Variants in BRIP1 observed in about 807,000 individuals in gnomAD.
BRIP1 encodes the protein Fanconi anemia group J protein.
A neutral mutation model predicts 119.7 loss-of-function variants in BRIP1; 88 were observed. That is an observed-to-expected ratio of 0.74 (90% CI 0.62 to 0.88). The LOEUF (loss-of-function observed/expected upper bound fraction) is 0.88. Ranked by LOEUF, BRIP1 falls within the 40% of genes least tolerant of loss-of-function variation. BRIP1 has a pLI of 0.00. For synonymous variants in BRIP1, 443 were observed against 496.5 expected, an observed-to-expected ratio of 0.89 and a Z score of 1.43; for missense variants, 1,259 against 1,455.4, an observed-to-expected ratio of 0.87 and a Z score of 2.20.
At position 61,814,894 on chromosome 17, in the gene BRIP1, A is replaced by C. The variant is rs1347580446; in HGVS notation, c.628-6137T>G. On this transcript the variant is annotated intron_variant, in intron 6 of 19. Transcript: ENST00000259008. This position sits in a 1 kb window ranked among gnomAD's most constrained non-coding sequence, Gnocchi z 4.9. ...ATTATAATGAAAATATATGAATGAC[A>C]GTTGTATGCATCGACATCGATAAAC... Among the ~76,000 whole-genome samples the C allele has an allele frequency of 6.6e-6, 1 of 152,064 alleles. No homozygotes were observed. The highest frequency in any genetic ancestry group is 1.9e-4 in the East Asian group (1 of 5,198).
At chr17:61,785,061 T>C (rs2077685240) in intron 10 of BRIP1, among the ~76,000 whole-genome samples, 1 of 152,180 alleles carries the variant, frequency 6.6e-6, no homozygotes, top group Non-Finnish European at 1.5e-5. Context: ...ATTTAGAAGA[T>C]TCAATCAGGG....
At chr17:61,732,483 T>A (rs924111190) in intron 16 of BRIP1, among the ~76,000 whole-genome samples, 13 of 152,126 alleles carry the variant, frequency 8.5e-5, no homozygotes, top group Non-Finnish European at 2.9e-5. Flanking sequence ...GTTGGTCAAC[T>A]TCAGCTTTCC....
rs1166639638 is a variant in BRIP1, at chr17:61,841,897, G to C, written c.627+5204C>G. Reference sequence around the variant, plus strand: ...GGTTCTCGCTATGTTGCCGGGGCTGGTCTCAAACTCCTGGCCTGAGTGATT... The same window carrying C: ...GGTTCTCGCTATGTTGCCGGGGCTGCTCTCAAACTCCTGGCCTGAGTGATT... On this transcript the variant is annotated intron_variant, in intron 6 of 19. Transcript: ENST00000259008. This position sits in a 1 kb window ranked among gnomAD's most constrained non-coding sequence, Gnocchi z 4.1. Among the ~76,000 whole-genome samples, 1 of 152,014 alleles carries C rather than the reference G, an allele frequency of 6.6e-6. No homozygotes were observed. Among genetic ancestry groups the C allele is most frequent in the East Asian group, 1.9e-4 (1 of 5,184 alleles).
In BRIP1 at chr17:61,713,785, G is replaced by A. The variant is rs899979996; in HGVS notation, c.2492+2166C>T. On this transcript the variant is annotated intron_variant, in intron 17 of 19. Coordinates refer to ENST00000259008, the MANE Select transcript of BRIP1 (RefSeq NM_032043.3). The surrounding 1 kb of genome is among the most constrained non-coding windows in gnomAD (Gnocchi z 4.9). ...GATCTGCCCACCTTGGCCTCCCAAA[G>A]TGCTGGATTACAGGCTTCAGCTATT... is the stretch of plus-strand genomic sequence containing the variant. Among the ~76,000 whole-genome samples, 1 of 151,910 alleles carries A rather than the reference G, an allele frequency of 6.6e-6. No homozygotes were observed. The highest frequency in any genetic ancestry group is 1.5e-5 in the Non-Finnish European group (1 of 67,994).
Position 61,687,331 on chromosome 17 carries a change from T to A in BRIP1, c.2576-1166A>T, listed in dbSNP as rs555286511. On this transcript the variant is annotated intron_variant, in intron 18 of 19. Transcript: ENST00000259008. This position sits in a 1 kb window ranked among gnomAD's most constrained non-coding sequence, Gnocchi z 5.1. ...TTATAATCAAAGAAAGCCTTTTCAA[T>A]GTAAAATATCATTGTCTGCTTTTGA... 6.6e-6 allele frequency among the ~76,000 whole-genome samples: 1 copy of A among 152,240 alleles called. No homozygotes were observed. Among genetic ancestry groups the A allele is most frequent in the Admixed American group, 6.5e-5 (1 of 15,286 alleles).
Position 61,693,892 on chromosome 17 carries a change from T to A in BRIP1, c.2493-380A>T, listed in dbSNP as rs576931047. On this transcript the variant is annotated intron_variant, in intron 17 of 19. Coordinates refer to ENST00000259008, the MANE Select transcript of BRIP1 (RefSeq NM_032043.3). This position sits in a 1 kb window ranked among gnomAD's most constrained non-coding sequence, Gnocchi z 4.2. ...GAGAGTTTTAAATCATGAATAAACA[T>A]TTAATTTTGTCAAAAATATTCTAAA... 6.6e-6 allele frequency among the ~76,000 whole-genome samples: 1 copy of A among 152,224 alleles called. No individual in the cohort carries two copies. Among genetic ancestry groups the A allele is most frequent in the South Asian group, 2.1e-4 (1 of 4,828 alleles).
At position 61,806,787 on chromosome 17, in the gene BRIP1, T is replaced by G. The variant is rs1372104784; in HGVS notation, c.918+1680A>C. Among the ~76,000 whole-genome samples the G allele has an allele frequency of 6.6e-6, 1 of 152,228 alleles. No individual in the cohort carries two copies. Among genetic ancestry groups the G allele is most frequent in the Admixed American group, 6.5e-5 (1 of 15,282 alleles). On this transcript the variant is annotated intron_variant, in intron 7 of 19. Transcript: ENST00000259008. This position sits in a 1 kb window ranked among gnomAD's most constrained non-coding sequence, Gnocchi z 4.9. ...ATCTTGGCTCACTGCAACCTCTGCCTCCTGGGTTCAAGCGATTCTCATGCC... is the reference window on the plus strand; with the variant it reads ...ATCTTGGCTCACTGCAACCTCTGCCGCCTGGGTTCAAGCGATTCTCATGCC...
intron 6 of BRIP1, among the ~76,000 whole-genome samples, chr17:61,826,673 C>T (rs1051309686): frequency 5.5e-5 from 7 of 127,248 alleles, no homozygotes; most frequent in African/African-American, 1.2e-4. Context: ...AAATGCAAAT[C>T]AAAACCACCA....
At chr17:61,711,026 T>A (rs72842961) in intron 17 of BRIP1, among the ~76,000 whole-genome samples, 11,290 of 113,058 alleles carry the variant, frequency 0.1, 576 homozygotes, top group South Asian at 0.3. Context: ...AGAGCGAGAC[T>A]CCATCTCAAA....
At position 61,780,498 on chromosome 17, in the gene BRIP1, C is replaced by G; in HGVS notation, c.1795-97G>C. 8.9e-7 allele frequency: 1 copy of G among 1,117,960 alleles called. No individual in the cohort carries two copies. Among genetic ancestry groups the G allele is most frequent in the Non-Finnish European group, 1.4e-6 (1 of 739,438 alleles). The allele number at this position is 1,117,960 out of a possible 1,614,324, so 69.3% of individuals were successfully genotyped here. ...ATCCCAGCACTTTGGGAGGCTGAAG[C>G]AGGAAGATCGCTTGAGTCTAGGAGT... On this transcript the variant is annotated intron_variant, in intron 12 of 19. Coordinates refer to ENST00000259008, the MANE Select transcript of BRIP1 (RefSeq NM_032043.3). The surrounding 1 kb of genome is among the most constrained non-coding windows in gnomAD (Gnocchi z 5.4).
In BRIP1 at chr17:61,774,818, A is replaced by G. The variant is rs919168944; in HGVS notation, c.2097+1583T>C. ...GTCACTAAAAAGTTATTTCAATGTTATAGTCTCTAGTCACCCAATTATAAA... is the reference window on the plus strand; with the variant it reads ...GTCACTAAAAAGTTATTTCAATGTTGTAGTCTCTAGTCACCCAATTATAAA... On this transcript the variant is annotated intron_variant, in intron 14 of 19. Transcript: ENST00000259008. The surrounding 1 kb of genome is among the most constrained non-coding windows in gnomAD (Gnocchi z 5.8). Among the ~76,000 whole-genome samples the G allele has an allele frequency of 1.3e-5, 2 of 152,196 alleles. No homozygotes were observed. The highest frequency in any genetic ancestry group is 2.4e-5 in the African/African-American group (1 of 41,462).
rs996102970 is a variant in BRIP1, at chr17:61,860,949, A to G, written c.93+498T>C. ...TTCTATATTGTTTATGGATACATATATATGTAATAAAAGTATAAAAACATG... is the reference window on the plus strand; with the variant it reads ...TTCTATATTGTTTATGGATACATATGTATGTAATAAAAGTATAAAAACATG... On this transcript the variant is annotated intron_variant, in intron 2 of 19. Coordinates refer to ENST00000259008, the MANE Select transcript of BRIP1 (RefSeq NM_032043.3). This position sits in a 1 kb window ranked among gnomAD's most constrained non-coding sequence, Gnocchi z 4.1. 6.6e-6 allele frequency among the ~76,000 whole-genome samples: 1 copy of G among 152,220 alleles called. No homozygotes were observed. The highest frequency in any genetic ancestry group is 2.1e-4 in the South Asian group (1 of 4,832).
chr17:61,714,780 C>G (rs1207410830), intron 17 of BRIP1, among the ~76,000 whole-genome samples: 1 of 151,094 alleles, frequency 6.6e-6, no homozygotes, highest in Non-Finnish European at 1.5e-5. Context: ...TTGTTTTAAC[C>G]CTTCTTCAAT....
intron 13 of BRIP1, among the ~76,000 whole-genome samples, chr17:61,779,348 A>G (rs554266854): frequency 4.3e-4 from 66 of 152,356 alleles, no homozygotes; most frequent in African/African-American, 1.6e-3. Flanking sequence ...AGGCTGAGGC[A>G]GGTGGACTGC....
chr17:61,834,145 C>A lies in BRIP1; in HGVS notation c.627+12956G>T, dbSNP rs1014527321. 6.6e-6 allele frequency among the ~76,000 whole-genome samples: 1 copy of A among 152,062 alleles called. No homozygotes were observed. Among genetic ancestry groups the A allele is most frequent in the Admixed American group, 6.5e-5 (1 of 15,270 alleles). ...AAAAAAGATTACGACAAAAAAGTATCCATCAAAATAGACCTGCTAAATTTT... is the reference window on the plus strand; with the variant it reads ...AAAAAAGATTACGACAAAAAAGTATACATCAAAATAGACCTGCTAAATTTT... On this transcript the variant is annotated intron_variant, in intron 6 of 19. Coordinates refer to ENST00000259008, the MANE Select transcript of BRIP1 (RefSeq NM_032043.3). This position sits in a 1 kb window ranked among gnomAD's most constrained non-coding sequence, Gnocchi z 4.4.
chr17:61,779,061 T>C (rs914452983), intron 13 of BRIP1, among the ~76,000 whole-genome samples: 1 of 152,224 alleles, frequency 6.6e-6, no homozygotes, highest in Non-Finnish European at 1.5e-5. Context: ...AATAACAATC[T>C]ATACATTTCC....
chr17:61,845,076 T>C lies in BRIP1; in HGVS notation c.627+2025A>G, dbSNP rs1358635760. Among the ~76,000 whole-genome samples, 1 of 152,138 alleles carries C rather than the reference T, an allele frequency of 6.6e-6. No individual in the cohort carries two copies. ...CAAGTAATCAAGTAATTTCAGATAATAGTAAGCCCATGAAGGAAAGGAAAG... is the reference window on the plus strand; with the variant it reads ...CAAGTAATCAAGTAATTTCAGATAACAGTAAGCCCATGAAGGAAAGGAAAG... On this transcript the variant is annotated intron_variant, in intron 6 of 19. Coordinates refer to ENST00000259008, the MANE Select transcript of BRIP1 (RefSeq NM_032043.3). This position sits in a 1 kb window ranked among gnomAD's most constrained non-coding sequence, Gnocchi z 4.2.
intron 11 of BRIP1, among the ~76,000 whole-genome samples, chr17:61,782,988 G>A (rs1400589492): frequency 6.6e-6 from 1 of 152,106 alleles, no homozygotes; most frequent in African/African-American, 2.4e-5. Context: ...AGTATGGTGA[G>A]TCCTCAAAAA....
chr17:61,705,895 T>A lies in BRIP1; in HGVS notation c.2492+10056A>T, dbSNP rs1180305881. Among the ~76,000 whole-genome samples the A allele has an allele frequency of 6.6e-6, 1 of 152,200 alleles. No individual in the cohort carries two copies. Among genetic ancestry groups the A allele is most frequent in the Non-Finnish European group, 1.5e-5 (1 of 68,010 alleles). ...TTTCTAGTTTAAACTAGATTACTAG[T>A]TTAATTCCATTACAGTCAGAGAACA... On this transcript the variant is annotated intron_variant, in intron 17 of 19. Transcript: ENST00000259008. The surrounding 1 kb of genome is among the most constrained non-coding windows in gnomAD (Gnocchi z 5.0).
Sources: gnomAD v4.1 joint callset for allele counts (sites outside exome capture counted in the v4.1 genomes callset) on GRCh38, gnomAD v4.1.1 for gene constraint, Gnocchi (gnomAD v3.1) non-coding constraint, MANE v1.5 for transcripts, NCBI Gene and HGNC (gene_info 2026-07-23, HGNC 2026-07-21) for gene names.